The following PTPRD variants were observed in gnomAD, a reference collection of about 807,000 sequenced individuals.
PTPRD encodes protein tyrosine phosphatase receptor type D.
In PTPRD, 34 loss-of-function variants were observed where a neutral mutation model predicts 214.5. The observed-to-expected ratio is 0.16, with a 90% CI of 0.12 to 0.21. The LOEUF is 0.21. PTPRD is among the 10% of genes least tolerant of loss of function. The probability of loss-of-function intolerance (pLI) is 1.00; values close to 1 mark genes in which losing one functional copy is unlikely to be tolerated. For missense variants in PTPRD, 2,545 were observed against 2,398.7 expected, an observed-to-expected ratio of 1.06 and a Z score of -1.27; for synonymous variants, 1,128 against 845.7, an observed-to-expected ratio of 1.33 and a Z score of -5.79.
At chr9:8,829,880 T>C (rs2097253903) in intron 11 of PTPRD, among the ~76,000 whole-genome samples, 1 of 152,178 alleles carries the variant, frequency 6.6e-6, no homozygotes, top group African/African-American at 2.4e-5. Flanking sequence ...AGAAAACTAG[T>C]ATGAAGATTA....
chr9:9,337,196 A>T (rs2137019596), intron 9 of PTPRD, among the ~76,000 whole-genome samples: 1 of 152,308 alleles, frequency 6.6e-6, no homozygotes, highest in South Asian at 2.1e-4. Context: ...GAAATAAGTG[A>T]TGCCACCATT....
At chr9:8,728,963 G>A (rs1486468755) in intron 12 of PTPRD, among the ~76,000 whole-genome samples, 1 of 152,130 alleles carries the variant, frequency 6.6e-6, no homozygotes, top group African/African-American at 2.4e-5. Context: ...CTGGGCAACA[G>A]AGTGAGACTG....
chr9:8,666,810 C>A (rs990030728), intron 12 of PTPRD, among the ~76,000 whole-genome samples: 4 of 152,132 alleles, frequency 2.6e-5, no homozygotes, highest in African/African-American at 9.7e-5. Context: ...GAATGCTACA[C>A]CACCTGGATT....
At chr9:9,823,412 G>A (rs933189054) in intron 5 of PTPRD, among the ~76,000 whole-genome samples, 2 of 152,076 alleles carry the variant, frequency 1.3e-5, no homozygotes, top group African/African-American at 4.8e-5. Context: ...GCACAAGCCT[G>A]GAGGGATCTG....
At chr9:8,694,173 A>C (rs1414466638) in intron 12 of PTPRD, among the ~76,000 whole-genome samples, 6 of 152,200 alleles carry the variant, frequency 3.9e-5, no homozygotes, top group African/African-American at 9.6e-5. Context: ...CAGAGCTAAT[A>C]AATTTTTAAA....
Position 9,096,556 on chromosome 9 carries a change from C to T in PTPRD, c.-142-77821G>A, listed in dbSNP as rs529252928. 4.1e-3 allele frequency among the ~76,000 whole-genome samples: 631 copies of T among 152,078 alleles called. 6 individuals carry two copies. The highest frequency in any genetic ancestry group is 0.014 in the African/African-American group (601 of 41,500). On this transcript the variant is annotated intron_variant, in intron 10 of 45. Coordinates refer to ENST00000381196, the MANE Select transcript of PTPRD (RefSeq NM_002839.4). ...CTATATAAGATATAGATTATATTTTCCAGGTGAAGATATAGATGATTTCTT... is the reference window on the plus strand; with the variant it reads ...CTATATAAGATATAGATTATATTTTTCAGGTGAAGATATAGATGATTTCTT...
In PTPRD at chr9:10,000,533, C is replaced by T. The variant is rs115504164; in HGVS notation, c.-472+33185G>A. Among the ~76,000 whole-genome samples, 464 of 152,238 alleles carry T rather than the reference C, an allele frequency of 3.0e-3. 1 individual carries two copies. Among genetic ancestry groups the T allele is most frequent in the African/African-American group, 0.011 (438 of 41,544 alleles). ...GGAAGTAGCCAGAAATAATTGTCGT[C>T]CAACACCCACTAACAACAGTTAGGT... On this transcript the variant is annotated intron_variant, in intron 4 of 45. Transcript: ENST00000381196.
chr9:8,506,692 TTAA>T (rs1188224782), intron 22 of PTPRD, among the ~76,000 whole-genome samples: 1 of 152,244 alleles, frequency 6.6e-6, no homozygotes, highest in Non-Finnish European at 1.5e-5. Flanking sequence ...ACAGTGCCCA[TTAA>T]TGAGTTAATT....
intron 8 of PTPRD, among the ~76,000 whole-genome samples, chr9:9,570,496 G>T (rs1231404724): frequency 6.6e-6 from 1 of 151,410 alleles, no homozygotes; most frequent in Non-Finnish European, 1.5e-5. Flanking sequence ...TACATTCAGG[G>T]ACACATGAAA....
intron 4 of PTPRD, among the ~76,000 whole-genome samples, chr9:9,946,949 C>T (rs886295422): frequency 7.9e-5 from 12 of 151,660 alleles, no homozygotes; most frequent in Admixed American, 3.3e-4. Flanking sequence ...GAATGAATAA[C>T]GATTATATAT....
chr9:9,066,527 A>C (rs1194910016), intron 10 of PTPRD, among the ~76,000 whole-genome samples: 2 of 150,694 alleles, frequency 1.3e-5, no homozygotes, highest in African/African-American at 4.8e-5. Context: ...GGAAATTATG[A>C]ATGTGACCTC....
intron 9 of PTPRD, among the ~76,000 whole-genome samples, chr9:9,308,428 G>A (rs906367775): frequency 3.3e-5 from 5 of 152,064 alleles, no homozygotes; most frequent in African/African-American, 7.2e-5. Context: ...AATACTAATC[G>A]TCTCAGCATC....
At chr9:10,438,993 G>A (rs563397582) in intron 2 of PTPRD, among the ~76,000 whole-genome samples, 1 of 151,782 alleles carries the variant, frequency 6.6e-6, no homozygotes, top group South Asian at 2.1e-4. Context: ...GTTTGGACCA[G>A]AGAGACCATG....
chr9:8,602,451 C>T (rs2094926494), intron 14 of PTPRD, among the ~76,000 whole-genome samples: 1 of 152,158 alleles, frequency 6.6e-6, no homozygotes, highest in African/African-American at 2.4e-5. Flanking sequence ...TGAGCCTTAT[C>T]AGGAATGAGA....
At chr9:8,601,148 G>A (rs1466909215) in intron 14 of PTPRD, among the ~76,000 whole-genome samples, 1 of 152,152 alleles carries the variant, frequency 6.6e-6, no homozygotes, top group Non-Finnish European at 1.5e-5. Context: ...ATGGTGTGAT[G>A]TTCCTCTATC....
rs192359885 is a variant in PTPRD at position 10,454,505 on chromosome 9, C to T, written c.-599-113488G>A. Among the ~76,000 whole-genome samples the T allele has an allele frequency of 1.3e-4, 19 of 151,696 alleles. No individual in the cohort carries two copies. The East Asian group carries it at 3.3e-3, about 26-fold the overall frequency. Reference sequence around the variant, plus strand: ...TACTGTTCTCAGCATCCACTTCTACCATCCTCACTATTGTAACTCACAGTA... The same window carrying T: ...TACTGTTCTCAGCATCCACTTCTACTATCCTCACTATTGTAACTCACAGTA... On this transcript the variant is annotated intron_variant, in intron 2 of 45. Transcript: ENST00000381196.
intron 32 of PTPRD, among the ~76,000 whole-genome samples, chr9:8,461,622 T>C (rs768769434): frequency 3.3e-5 from 5 of 151,576 alleles, no homozygotes; most frequent in African/African-American, 4.9e-5. Context: ...TTTTTTTTCA[T>C]TTGCCAAATC....
chr9:9,756,631 A>C (rs1171281162), intron 6 of PTPRD, among the ~76,000 whole-genome samples: 1 of 152,152 alleles, frequency 6.6e-6, no homozygotes, highest in Non-Finnish European at 1.5e-5. Context: ...TGGGGTAATG[A>C]AAATGTTTTG....
intron 10 of PTPRD, among the ~76,000 whole-genome samples, chr9:9,099,018 A>C (rs2099787626): frequency 6.6e-6 from 1 of 152,242 alleles, no homozygotes; most frequent in Admixed American, 6.5e-5. Flanking sequence ...TTGAATGGGT[A>C]ATTCTTGGAA....
Sources: allele counts gnomAD v4.1 joint callset (sites outside exome capture counted in the v4.1 genomes callset), GRCh38; gene constraint gnomAD v4.1.1; transcripts MANE v1.5; gene names NCBI Gene and HGNC (gene_info 2026-07-23, HGNC 2026-07-21).